PHACTR1: variants seen among roughly 807,000 people sequenced by gnomAD.
PHACTR1 encodes the protein phosphatase and actin regulator 1.
In PHACTR1, 16 loss-of-function variants were observed where a neutral mutation model predicts 69.2. That is an observed-to-expected ratio of 0.23 (90% CI 0.16 to 0.35). The LOEUF (loss-of-function observed/expected upper bound fraction) is 0.35. Ranked by LOEUF, PHACTR1 falls within the 10% of genes least tolerant of loss-of-function variation. The probability of loss-of-function intolerance (pLI) is 1.00; values close to 1 mark genes in which losing one functional copy is unlikely to be tolerated. For synonymous variants in PHACTR1, 312 were observed against 284.5 expected (o/e 1.10, Z -0.97); for missense variants, 510 against 734.7 (o/e 0.69, Z 3.54).
chr6:12,860,191 C>T (rs1434050729), intron 4 of PHACTR1, among the ~76,000 whole-genome samples: 1 of 152,022 alleles, frequency 6.6e-6, no homozygotes, highest in African/African-American at 2.4e-5. Context: ...TGTGATATTC[C>T]CCTCGGTGCC....
At chr6:12,997,667 C>T (rs1484229796) in intron 4 of PHACTR1, among the ~76,000 whole-genome samples, 1 of 152,086 alleles carries the variant, frequency 6.6e-6, no homozygotes, top group Non-Finnish European at 1.5e-5. Context: ...AAATATACAA[C>T]ACATTGGCCA....
At chr6:12,879,119 T>C (rs1782828115) in intron 4 of PHACTR1, among the ~76,000 whole-genome samples, 1 of 151,996 alleles carries the variant, frequency 6.6e-6, no homozygotes, top group African/African-American at 2.4e-5. Context: ...TCCCGTGGAG[T>C]GTATTGCAGA....
rs1761961888 is a variant in PHACTR1 at position 13,179,821 on chromosome 6, C to G, written c.497-2698C>G. 6.6e-6 allele frequency among the ~76,000 whole-genome samples: 1 copy of G among 152,104 alleles called. No homozygotes were observed. The highest frequency in any genetic ancestry group is 6.5e-5 in the Admixed American group (1 of 15,274). On this transcript the variant is annotated intron_variant, in intron 6 of 14. Transcript: ENST00000332995. The surrounding 1 kb of genome is among the most constrained non-coding windows in gnomAD (Gnocchi z 4.2). ...AAATATGTGTATGGTCTGTACATTT[C>G]TTCTAATTGTGTAAATTGGAAAATC...
chr6:13,257,770 C>G (rs1345556861), intron 10 of PHACTR1, among the ~76,000 whole-genome samples: 1 of 152,098 alleles, frequency 6.6e-6, no homozygotes, highest in Non-Finnish European at 1.5e-5. Flanking sequence ...GCATGTCCAC[C>G]CACCTATTGA....
At chr6:12,775,467 G>T (rs1268184065) in intron 4 of PHACTR1, among the ~76,000 whole-genome samples, 1 of 152,144 alleles carries the variant, frequency 6.6e-6, no homozygotes, top group Non-Finnish European at 1.5e-5. Context: ...GGCCTAATGT[G>T]ACTGCACAGT....
intron 4 of PHACTR1, among the ~76,000 whole-genome samples, chr6:13,015,421 T>C (rs1800038002): frequency 6.6e-6 from 1 of 152,192 alleles, no homozygotes; most frequent in East Asian, 1.9e-4. Flanking sequence ...AAGCACACAC[T>C]GACTGACATG....
chr6:13,282,712 T>C (rs957847414), intron 12 of PHACTR1, among the ~76,000 whole-genome samples: 4 of 152,002 alleles, frequency 2.6e-5, no homozygotes, highest in Non-Finnish European at 4.4e-5. Context: ...CAAAACCCCC[T>C]TGCAGAAAGC....
chr6:13,073,272 G>T (rs1016529857), intron 5 of PHACTR1, among the ~76,000 whole-genome samples: 2 of 146,496 alleles, frequency 1.4e-5, no homozygotes, highest in Non-Finnish European at 3.0e-5. Context: ...TGTTTCTTAG[G>T]TAGTTCCCTA....
chr6:13,146,204 A>G (rs1305992754), intron 5 of PHACTR1, among the ~76,000 whole-genome samples: 1 of 152,222 alleles, frequency 6.6e-6, no homozygotes, highest in Non-Finnish European at 1.5e-5. Context: ...ATAAAGTACT[A>G]TGTGGAAAGC....
intron 2 of PHACTR1, among the ~76,000 whole-genome samples, chr6:12,718,008 A>T (rs1316226056): frequency 1.3e-5 from 2 of 152,178 alleles, no homozygotes; most frequent in African/African-American, 4.8e-5. Context: ...TTTCTGGGGA[A>T]GTATATTAGC....
In PHACTR1 at chr6:13,194,497, A is replaced by G. The variant is rs555426380; in HGVS notation, c.665-11318A>G. Among the ~76,000 whole-genome samples the G allele has an allele frequency of 1.3e-4, 20 of 151,922 alleles. No individual in the cohort carries two copies. The East Asian group carries it at 3.7e-3, about 28-fold the overall frequency. Reference sequence around the variant, plus strand: ...TTTATTGAAGAAAAAAAAAAAAACTAACTGAATTACATGCCCTGCAAGGGT... The same window carrying G: ...TTTATTGAAGAAAAAAAAAAAAACTGACTGAATTACATGCCCTGCAAGGGT... On this transcript the variant is annotated intron_variant, in intron 7 of 14. Transcript: ENST00000332995.
chr6:13,101,285 C>A (rs1815113043), intron 5 of PHACTR1, among the ~76,000 whole-genome samples: 1 of 152,210 alleles, frequency 6.6e-6, no homozygotes, highest in South Asian at 2.1e-4. Flanking sequence ...AGTCCACTCT[C>A]ACAATAACCA....
At chr6:12,979,238 A>G (rs958606589) in intron 4 of PHACTR1, among the ~76,000 whole-genome samples, 28 of 152,194 alleles carry the variant, frequency 1.8e-4, no homozygotes, top group Admixed American at 1.7e-3. Flanking sequence ...TTGCTGCTTG[A>G]AAAGTTTACC....
intron 4 of PHACTR1, among the ~76,000 whole-genome samples, chr6:12,923,994 T>G (rs1332045052): frequency 2.0e-5 from 3 of 152,216 alleles, no homozygotes; most frequent in Non-Finnish European, 4.4e-5. Context: ...AAGGTAACAT[T>G]CTAAAGTAAA....
At chr6:12,797,665 C>T (rs1188988099) in intron 4 of PHACTR1, among the ~76,000 whole-genome samples, 1 of 152,078 alleles carries the variant, frequency 6.6e-6, no homozygotes, top group African/African-American at 2.4e-5. Context: ...ACTGCCTCAC[C>T]CACCTGCCAC....
chr6:13,030,680 CAT>C (rs1421063869), intron 4 of PHACTR1, among the ~76,000 whole-genome samples: 2 of 152,340 alleles, frequency 1.3e-5, no homozygotes, highest in Non-Finnish European at 2.9e-5. Flanking sequence ...ATAAATCACA[CAT>C]GTGAAACAGC....
intron 4 of PHACTR1, among the ~76,000 whole-genome samples, chr6:12,774,047 A>C (rs937259273): frequency 1.3e-5 from 2 of 152,230 alleles, no homozygotes; most frequent in Non-Finnish European, 2.9e-5. Flanking sequence ...AGAGAGTAAG[A>C]TGGGTACAAA....
chr6:12,744,953 T>G (rs770024138), intron 3 of PHACTR1, among the ~76,000 whole-genome samples: 1 of 151,934 alleles, frequency 6.6e-6, no homozygotes, highest in Non-Finnish European at 1.5e-5. Flanking sequence ...GTGATGAGAG[T>G]GGATAGAGTT....
chr6:12,964,194 G>T, intron 4 of PHACTR1, among the ~76,000 whole-genome samples: 1 of 152,084 alleles, frequency 6.6e-6, no homozygotes, highest in South Asian at 2.1e-4. Flanking sequence ...TAAAGACAAG[G>T]TATTGTGCAA....
Sources: gnomAD v4.1 joint callset for allele counts (sites outside exome capture counted in the v4.1 genomes callset) on GRCh38, gnomAD v4.1.1 for gene constraint, Gnocchi (gnomAD v3.1) non-coding constraint, MANE v1.5 for transcripts, NCBI Gene and HGNC (gene_info 2026-07-23, HGNC 2026-07-21) for gene names.